IPO5: variants seen among roughly 807,000 people sequenced by gnomAD.
IPO5 encodes importin 5, also known as importin-5.
A neutral mutation model predicts 143.3 loss-of-function variants in IPO5; 18 were observed. The ratio of observed to expected loss-of-function variants is 0.13; its 90% CI spans 0.09 to 0.19. The LOEUF (loss-of-function observed/expected upper bound fraction) is 0.19, where lower values mean the gene tolerates loss of function less well. Among genes scored for constraint, IPO5 ranks in the 10% least tolerant of loss-of-function variants. The pLI is 1.00. For missense variants in IPO5, 1,013 were observed against 1,336.9 expected, an observed-to-expected ratio of 0.76 and a Z score of 3.78; for synonymous variants, 477 against 465.7, an observed-to-expected ratio of 1.02 and a Z score of -0.31.
Position 97,976,907 on chromosome 13 carries a change from G to T in IPO5, c.90+121G>T, listed in dbSNP as rs959526495. On this transcript the variant is annotated intron_variant, in intron 4 of 28. Coordinates refer to ENST00000651721, the MANE Select transcript of IPO5 (RefSeq NM_002271.6). The stretch of plus-strand genomic sequence containing the variant: ...CCGCGCAGGCTGGGCCCGGCGGGCG[G>T]CGGCCGCGCAGCCCACGTGTGAGGC... The T allele has an allele frequency of 2.7e-5, 5 of 187,002 alleles. No homozygotes were observed. In the Admixed American group the frequency reaches 3.3e-4, roughly 12 times the overall value. 11.6% of individuals were successfully genotyped at this position (187,002 alleles called of 1,614,324 possible).
At chr13:97,990,246 T>A in intron 8 of IPO5, 24 bp downstream of exon 8, 1 of 1,448,264 alleles carries the variant, frequency 6.9e-7, no homozygotes, top group Non-Finnish European at 9.7e-7. Context: ...ATCCTATTAA[T>A]ATAACCATCT....
chr13:98,008,771 C>G (rs564514940), intron 18 of IPO5, among the ~76,000 whole-genome samples: 1 of 152,314 alleles, frequency 6.6e-6, no homozygotes, highest in East Asian at 1.9e-4. Flanking sequence ...AGTTCCAACA[C>G]TGTTATAGTA....
intron 4 of IPO5, among the ~76,000 whole-genome samples, chr13:97,978,043 G>T (rs1244547110): frequency 6.6e-6 from 1 of 152,148 alleles, no homozygotes; most frequent in African/African-American, 2.4e-5. Context: ...TTTATATTAA[G>T]TGAAGTAAAC....
chr13:97,998,044 C>T (rs991162026), intron 12 of IPO5, among the ~76,000 whole-genome samples: 1 of 152,212 alleles, frequency 6.6e-6, no homozygotes, highest in Non-Finnish European at 1.5e-5. Context: ...GGCGCGATCT[C>T]GGCTCACCGC....
At chr13:97,963,157 C>T (rs1170562045) in intron 2 of IPO5, 2 of 152,190 alleles carry the variant, frequency 1.3e-5, no homozygotes, top group Non-Finnish European at 1.5e-5. Flanking sequence ...ATTGTATCCA[C>T]AGATACTTTC....
At chr13:97,979,610 G>A (rs1886675267) in intron 4 of IPO5, among the ~76,000 whole-genome samples, 1 of 152,190 alleles carries the variant, frequency 6.6e-6, no homozygotes, top group Non-Finnish European at 1.5e-5. Context: ...ATAAGCTTAA[G>A]TATTTATTAA....
At chr13:97,978,276 T>G (rs925137536) in intron 4 of IPO5, among the ~76,000 whole-genome samples, 1 of 152,204 alleles carries the variant, frequency 6.6e-6, no homozygotes, top group Admixed American at 6.5e-5. Context: ...ATTTACACTA[T>G]TTTGCAACTT....
chr13:98,023,539 C>A lies in IPO5; in HGVS notation c.*1717C>A. 6.6e-6 allele frequency: 1 copy of A among 152,150 alleles called. No individual in the cohort carries two copies. Among genetic ancestry groups the A allele is most frequent in the East Asian group, 1.9e-4 (1 of 5,202 alleles). 9.4% of individuals were successfully genotyped at this position (152,150 alleles called of 1,614,324 possible). A position where few individuals can be genotyped will look rare whatever the true frequency, so the allele number is the denominator to read the frequency against. On this transcript the variant is annotated 3_prime_UTR_variant, in exon 29 of 29. Coordinates refer to ENST00000651721, the MANE Select transcript of IPO5 (RefSeq NM_002271.6). ...ACATGTTAAAATCATGGCACACCTG[C>A]AGAATTTCAGATGACAGTGTGGTCA...
At position 97,972,040 on chromosome 13, in the gene IPO5, T is replaced by C. The variant is rs569228698; in HGVS notation, c.-5+2210T>C. Among the ~76,000 whole-genome samples, 6 of 152,304 alleles carry C rather than the reference T, an allele frequency of 3.9e-5. No individual in the cohort carries two copies. The South Asian group carries it at 1.0e-3, about 26-fold the overall frequency. On this transcript the variant is annotated intron_variant, in intron 3 of 28. Coordinates refer to ENST00000651721, the MANE Select transcript of IPO5 (RefSeq NM_002271.6). ...TAACAAAAATAATAATGCCATCAGC[T>C]TACATTGGTGTAGTTACAGATTATA...
Position 98,021,935 on chromosome 13 carries a change from C to T in IPO5, c.*113C>T. On this transcript the variant is annotated 3_prime_UTR_variant, in exon 29 of 29. Transcript: ENST00000651721. ...AGAGATCGGTAGTGTTGTGTGTAGG[C>T]CATTCTTCTGGAGAGCCACAAGCAG... 1.7e-6 allele frequency: 1 copy of T among 580,274 alleles called. No homozygotes were observed. The highest frequency in any genetic ancestry group is 2.9e-6 in the Non-Finnish European group (1 of 344,802). 35.9% of individuals were successfully genotyped at this position (580,274 alleles called of 1,614,324 possible). A position where few individuals can be genotyped will look rare whatever the true frequency, so the allele number is the denominator to read the frequency against.
chr13:97,993,981 G>A (rs1244224145), intron 11 of IPO5, among the ~76,000 whole-genome samples: 1 of 152,196 alleles, frequency 6.6e-6, no homozygotes, highest in Non-Finnish European at 1.5e-5. Flanking sequence ...TGCCCCAGCT[G>A]ATGCATTAAG....
chr13:98,000,956 T>G, intron 13 of IPO5: 1 of 295,672 alleles, frequency 3.4e-6, no homozygotes, highest in Non-Finnish European at 6.3e-6. Flanking sequence ...AGAAACTCTA[T>G]CTAATGTTAT....
rs571005454 is a variant in IPO5 at position 97,983,809 on chromosome 13, A to G, written c.171+1226A>G. Reference sequence around the variant, plus strand: ...TTCCAGTCAGTCAGTTTAGACTAGCAACTTCATGTTCTCTCAACCACTTTA... The same window carrying G: ...TTCCAGTCAGTCAGTTTAGACTAGCGACTTCATGTTCTCTCAACCACTTTA... On this transcript the variant is annotated intron_variant, in intron 5 of 28. Coordinates refer to ENST00000651721, the MANE Select transcript of IPO5 (RefSeq NM_002271.6). Among the ~76,000 whole-genome samples, 3 of 152,130 alleles carry G rather than the reference A, an allele frequency of 2.0e-5. No homozygotes were observed. In the South Asian group the frequency reaches 6.2e-4, roughly 32 times the overall value.
At position 98,018,643 on chromosome 13, in the gene IPO5, T is replaced by C. The variant is rs1157720903; in HGVS notation, c.2775T>C (p.Ala925=). The C allele has an allele frequency of 2.5e-6, 4 of 1,614,228 alleles. No individual in the cohort carries two copies. The highest frequency in any genetic ancestry group is 1.1e-5 in the South Asian group (1 of 91,086). ...ACAGCCCAGAAGTCAGGCAAGCAGC[T>C]GCATATGGCCTGGGAGTCATGGCAC... ...CDNSPEVRQA[A]AYGLGVMAQY... Residue 925 remains alanine (A), a synonymous_variant, in exon 26 of 29, where the codon GCT becomes GCC. Coordinates refer to ENST00000651721, the MANE Select transcript of IPO5 (RefSeq NM_002271.6).
At chr13:98,004,639 G>A (rs1459661248) in intron 16 of IPO5, among the ~76,000 whole-genome samples, 3 of 152,142 alleles carry the variant, frequency 2.0e-5, no homozygotes, top group Admixed American at 6.5e-5. Context: ...AGAGTTGTAC[G>A]AAGAGAAGGT....
At chr13:98,000,457 T>C in intron 12 of IPO5, 82 bp from the exon 13 acceptor site, 2 of 852,498 alleles carry the variant, frequency 2.3e-6, no homozygotes, top group Non-Finnish European at 4.0e-6. Flanking sequence ...AATAATAATA[T>C]GGTTAGAAGT....
At chr13:98,005,030 G>A (rs1889099945) in intron 16 of IPO5, among the ~76,000 whole-genome samples, 1 of 151,978 alleles carries the variant, frequency 6.6e-6, no homozygotes, top group Admixed American at 6.6e-5. Context: ...CGAGTAGCTG[G>A]GATTACAGAC....
At chr13:98,008,650 C>T (rs1343020557) in intron 18 of IPO5, among the ~76,000 whole-genome samples, 1 of 152,132 alleles carries the variant, frequency 6.6e-6, no homozygotes, top group Non-Finnish European at 1.5e-5. Context: ...GAACCCCTGC[C>T]TCTCGACACA....
chr13:98,023,579 G>C lies in IPO5; in HGVS notation c.*1757G>C, dbSNP rs1890611509. 6.6e-6 allele frequency: 1 copy of C among 152,070 alleles called. No homozygotes were observed. The highest frequency in any genetic ancestry group is 2.4e-5 in the African/African-American group (1 of 41,390). The allele number at this position is 152,070 out of a possible 1,614,324, so 9.4% of individuals were successfully genotyped here. A position where few individuals can be genotyped will look rare whatever the true frequency, so the allele number is the denominator to read the frequency against. ...CAGTGTGGTCAGAAGATGTTTTTTG[G>C]GAGAACCTAGTGTTTGCTGGGCACT... On this transcript the variant is annotated 3_prime_UTR_variant, in exon 29 of 29. Coordinates refer to ENST00000651721, the MANE Select transcript of IPO5 (RefSeq NM_002271.6).
Sources: gnomAD v4.1 joint callset for allele counts (sites outside exome capture counted in the v4.1 genomes callset) on GRCh38, gnomAD v4.1.1 for gene constraint, MANE v1.5 for transcripts, NCBI Gene and HGNC (gene_info 2026-07-23, HGNC 2026-07-21) for gene names.